The following MYT1L variants were observed in gnomAD, a reference collection of about 807,000 sequenced individuals.
The protein encoded by MYT1L is myelin transcription factor 1 like, also known as myelin transcription factor 1-like protein.
Under a neutral mutation model 126.7 loss-of-function variants are expected in MYT1L, and 12 were observed. That is an observed-to-expected ratio of 0.09 (90% confidence interval 0.06 to 0.15). The LOEUF is 0.15. MYT1L is among the 10% of genes least tolerant of loss of function. MYT1L has a pLI of 1.00. For synonymous variants in MYT1L, 541 were observed against 604.2 expected, an observed-to-expected ratio of 0.90 and a Z score of 1.53; for missense variants, 979 against 1,585.2, an observed-to-expected ratio of 0.62 and a Z score of 6.49.
Position 1,979,369 on chromosome 2 carries a change from CT to C in MYT1L, c.90-143del. 1.1e-5 allele frequency: 12 copies of C among 1,104,298 alleles called. No homozygotes were observed. In the South Asian group the frequency reaches 1.6e-4, roughly 15 times the overall value. 68.4% of individuals were successfully genotyped at this position (1,104,298 alleles called of 1,614,324 possible). ...CAAAGGAGGGGGAAATTCGGGGAGG[CT>C]TTTTACGAGCAAGTCTCGGGGGAAT... is the stretch of plus-strand genomic sequence containing the variant. On this transcript the variant is annotated intron_variant, in intron 7 of 24. Transcript: ENST00000647738. This position sits in a 1 kb window ranked among gnomAD's most constrained non-coding sequence, Gnocchi z 4.0.
chr2:2,193,166 C>T (rs145141991), intron 2 of MYT1L, among the ~76,000 whole-genome samples: 3,419 of 151,994 alleles, frequency 0.022, 69 homozygotes, highest in South Asian at 0.045. Context: ...TTAGTAGAGA[C>T]GGGGTTTCAC....
At chr2:2,135,182 C>T (rs1575410174) in intron 3 of MYT1L, among the ~76,000 whole-genome samples, 1 of 152,264 alleles carries the variant, frequency 6.6e-6, no homozygotes, top group East Asian at 1.9e-4. Flanking sequence ...TCTCATAATT[C>T]CCACGTGTCA....
rs1558696949 is a variant in MYT1L, at chr2:2,004,210, T to TTCTTTCCTGCAGGC, written c.-157-6864_-157-6863insGCCTGCAGGAAAGA. Among the ~76,000 whole-genome samples, 429 of 48,426 alleles carry TTCTTTCCTGCAGGC rather than the reference T, an allele frequency of 8.9e-3. 11 individuals carry two copies. The highest frequency in any genetic ancestry group is 0.013 in the Non-Finnish European group (337 of 25,048). 31.8% of individuals were successfully genotyped at this position (48,426 alleles called of 152,430 possible). Reference sequence around the variant, plus strand: ...TCCTGCAGGCGTTCTTTCCTGAATGTGTTCTTTCCTGCAGGCGTTCTTTCC... The same window carrying TTCTTTCCTGCAGGC: ...TCCTGCAGGCGTTCTTTCCTGAATGTTCTTTCCTGCAGGCGTTCTTTCCTGCAGGCGTTCTTTCC... On this transcript the variant is annotated intron_variant, in intron 4 of 24. Transcript: ENST00000647738.
intron 3 of MYT1L, among the ~76,000 whole-genome samples, chr2:2,062,374 G>A (rs527475655): frequency 6.6e-6 from 1 of 152,290 alleles, no homozygotes; most frequent in Admixed American, 6.5e-5. Flanking sequence ...TCAATTTGGT[G>A]TTCTGTGTAA....
At chr2:2,004,289 G>GCATA (rs2062846700) in intron 4 of MYT1L, among the ~76,000 whole-genome samples, 2 of 140,502 alleles carry the variant, frequency 1.4e-5, no homozygotes, top group African/African-American at 2.7e-5. Context: ...TTTCCTGCAT[G>GCATA]CGTTCTTTCC....
intron 3 of MYT1L, among the ~76,000 whole-genome samples, chr2:2,153,395 G>C (rs1225961967): frequency 6.6e-6 from 1 of 152,198 alleles, no homozygotes. Flanking sequence ...TACCACCTGG[G>C]GCTTTGCCCA....
chr2:2,089,197 G>A (rs750902535), intron 3 of MYT1L, among the ~76,000 whole-genome samples: 7 of 152,170 alleles, frequency 4.6e-5, no homozygotes, highest in East Asian at 1.9e-4. Context: ...ATTTAACTTC[G>A]AGCAATTTTG....
At chr2:2,257,556 A>G (rs1214948250) in intron 2 of MYT1L, among the ~76,000 whole-genome samples, 1 of 152,192 alleles carries the variant, frequency 6.6e-6, no homozygotes, top group Non-Finnish European at 1.5e-5. Flanking sequence ...CATGGTGACT[A>G]TGGTAAATAG....
At chr2:2,003,956 T>A (rs145762777) in intron 4 of MYT1L, among the ~76,000 whole-genome samples, 13 of 148,718 alleles carry the variant, frequency 8.7e-5, no homozygotes, top group African/African-American at 2.8e-4. Context: ...CTTTCCTGCA[T>A]GCGTTCTTTC....
rs184703204 is a variant in MYT1L, at chr2:2,120,544, C to T, written c.-304+52328G>A. On this transcript the variant is annotated intron_variant, in intron 3 of 24. Transcript: ENST00000647738. ...TTGTTCTCCATCTCACTCTTTTAAA[C>T]CTAAATTATTGTGCCCTGAAGGCCG... Among the ~76,000 whole-genome samples the T allele has an allele frequency of 3.3e-3, 505 of 151,894 alleles. 1 individual carries two copies. Among genetic ancestry groups the T allele is most frequent in the African/African-American group, 0.012 (486 of 41,398 alleles).
chr2:1,892,236 T>C lies in MYT1L; in HGVS notation c.2084A>G (p.Tyr695Cys), dbSNP rs1218532574. The change falls in exon 15 of 25, where the codon TAC (tyrosine) becomes TGC (cysteine). Residue 695 changes from tyrosine (Y) to cysteine (C), a missense_variant. By Grantham distance (194) the Tyr-to-Cys change is radical. Transcript: ENST00000647738. ...PSPSSSSTSS[Y>C]APSSSSNLSC... ...CAGGTTGCTGCTGCTGCTGGGCGCG[T>C]AGCTGCTGGTGCTGCTGCTGCTGGG... The C allele has an allele frequency of 3.9e-6, 6 of 1,549,924 alleles. No homozygotes were observed. In the Admixed American group the frequency reaches 7.8e-5, roughly 20 times the overall value.
intron 2 of MYT1L, among the ~76,000 whole-genome samples, chr2:2,197,262 T>C (rs1038014089): frequency 3.3e-5 from 5 of 152,190 alleles, no homozygotes; most frequent in African/African-American, 1.2e-4. Flanking sequence ...CATTATTTAT[T>C]CAATGTTTAA....
intron 3 of MYT1L, among the ~76,000 whole-genome samples, chr2:2,136,095 A>T (rs1422974561): frequency 6.6e-6 from 1 of 152,188 alleles, no homozygotes; most frequent in African/African-American, 2.4e-5. Context: ...GAAGCTGGGA[A>T]CCATCATTCT....
At chr2:2,145,499 A>G (rs1432709009) in intron 3 of MYT1L, among the ~76,000 whole-genome samples, 1 of 152,182 alleles carries the variant, frequency 6.6e-6, no homozygotes, top group East Asian at 1.9e-4. Context: ...ATGGTGGGAT[A>G]CAAAGGGTGT....
In MYT1L at chr2:2,031,833, C is replaced by T. The variant is rs530856721; in HGVS notation, c.-158+22145G>A. On this transcript the variant is annotated intron_variant, in intron 4 of 24. Transcript: ENST00000647738. ...AGCAGATTCTAGAAGGAGGGCCTTA[C>T]ACACACCCCTCGCCAGTGCCTCTCA... 2.2e-3 allele frequency among the ~76,000 whole-genome samples: 191 copies of T among 88,376 alleles called. No homozygotes were observed. In the Middle Eastern group the frequency reaches 0.047, roughly 22 times the overall value. The allele number at this position is 88,376 out of a possible 152,430, so 58.0% of individuals were successfully genotyped here. A position where few individuals can be genotyped will look rare whatever the true frequency, so the allele number is the denominator to read the frequency against.
chr2:2,140,637 T>C (rs941214689), intron 3 of MYT1L, among the ~76,000 whole-genome samples: 1 of 152,084 alleles, frequency 6.6e-6, no homozygotes, highest in Non-Finnish European at 1.5e-5. Flanking sequence ...GGTTTCACCA[T>C]GTTAGCCAGG....
At chr2:2,089,809 T>C (rs1175880641) in intron 3 of MYT1L, among the ~76,000 whole-genome samples, 1 of 152,150 alleles carries the variant, frequency 6.6e-6, no homozygotes, top group Non-Finnish European at 1.5e-5. Flanking sequence ...CTCCCCTCTC[T>C]ATCTCCTCCT....
chr2:1,843,453 G>T (rs1247392194), intron 19 of MYT1L, among the ~76,000 whole-genome samples: 1 of 151,708 alleles, frequency 6.6e-6, no homozygotes, highest in Non-Finnish European at 1.5e-5. Flanking sequence ...GAATTACTAT[G>T]ATGTCCTACC....
chr2:2,074,353 C>T (rs1242635044), intron 3 of MYT1L, among the ~76,000 whole-genome samples: 1 of 152,238 alleles, frequency 6.6e-6, no homozygotes, highest in East Asian at 1.9e-4. Flanking sequence ...TCTAACCAAA[C>T]TGACTGGCTG....
Sources: gnomAD v4.1 joint callset for allele counts (sites outside exome capture counted in the v4.1 genomes callset) on GRCh38, gnomAD v4.1.1 for gene constraint, Gnocchi (gnomAD v3.1) non-coding constraint, MANE v1.5 for transcripts, NCBI Gene and HGNC (gene_info 2026-07-23, HGNC 2026-07-21) for gene names.